GPC6: variants seen among roughly 807,000 people sequenced by gnomAD.
GPC6 encodes the protein glypican 6, also known as glypican-6.
GPC6 carries 14 observed loss-of-function variants against 55.2 expected under a neutral mutation model. The ratio of observed to expected loss-of-function variants is 0.25; its 90% CI spans 0.17 to 0.40. The LOEUF (loss-of-function observed/expected upper bound fraction) is 0.40. Among genes scored for constraint, GPC6 ranks in the 10% least tolerant of loss-of-function variants. The probability of loss-of-function intolerance (pLI) is 1.00; values close to 1 mark genes in which losing one functional copy is unlikely to be tolerated. For synonymous variants in GPC6, 278 were observed against 259.6 expected (o/e 1.07, Z -0.68); for missense variants, 641 against 708.5 (o/e 0.90, Z 1.08).
chr13:93,460,340 C>A (rs1354945804), intron 1 of GPC6, among the ~76,000 whole-genome samples: 9 of 152,114 alleles, frequency 5.9e-5, no homozygotes, highest in Admixed American at 5.9e-4. Context: ...GTTTTTGTAG[C>A]TGACAGTTTG....
chr13:93,934,465 A>G (rs1267107153), intron 3 of GPC6, among the ~76,000 whole-genome samples: 1 of 152,124 alleles, frequency 6.6e-6, no homozygotes, highest in Non-Finnish European at 1.5e-5. Context: ...AAATCCCCTT[A>G]AGTAAAACTG....
At chr13:93,537,571 G>A (rs1056278480) in intron 1 of GPC6, among the ~76,000 whole-genome samples, 16 of 151,938 alleles carry the variant, frequency 1.1e-4, no homozygotes, top group Admixed American at 3.9e-4. Context: ...GTATTTTTAC[G>A]TATTAGAAAT....
chr13:93,367,521 A>G (rs1811525587), intron 1 of GPC6, among the ~76,000 whole-genome samples: 1 of 151,878 alleles, frequency 6.6e-6, no homozygotes, highest in Non-Finnish European at 1.5e-5. Flanking sequence ...AGGTTTTTGA[A>G]GTGGGTGCTT....
chr13:93,295,101 T>C (rs1878439316), intron 1 of GPC6, among the ~76,000 whole-genome samples: 1 of 132,708 alleles, frequency 7.5e-6, no homozygotes. Flanking sequence ...GAGGAAACTC[T>C]GTCTCTGCAA....
chr13:94,013,965 C>A (rs528358308), intron 3 of GPC6, among the ~76,000 whole-genome samples: 98 of 152,130 alleles, frequency 6.4e-4, no homozygotes, highest in African/African-American at 2.3e-3. Flanking sequence ...TGGGGAGGTT[C>A]CTAGTTAATA....
chr13:93,552,905 A>G (rs80006991), intron 2 of GPC6, among the ~76,000 whole-genome samples: 1,531 of 152,338 alleles, frequency 0.01, 24 homozygotes, highest in Non-Finnish European at 9.8e-3. Context: ...AGTTAAATTG[A>G]TCTGCTACTA....
intron 2 of GPC6, among the ~76,000 whole-genome samples, chr13:93,699,761 T>C (rs1391365827): frequency 1.3e-5 from 2 of 152,116 alleles, no homozygotes; most frequent in Non-Finnish European, 2.9e-5. Flanking sequence ...ATATACACTA[T>C]AGATTTCAAT....
chr13:93,881,491 C>A (rs1255788773), intron 3 of GPC6, among the ~76,000 whole-genome samples: 1 of 151,970 alleles, frequency 6.6e-6, no homozygotes, highest in Non-Finnish European at 1.5e-5. Flanking sequence ...GGCCTAAAAA[C>A]GTTAGGCTTG....
chr13:94,226,364 C>T (rs892640232), intron 4 of GPC6, among the ~76,000 whole-genome samples: 4 of 152,004 alleles, frequency 2.6e-5, no homozygotes, highest in African/African-American at 9.7e-5. Context: ...CTCTGCTGCA[C>T]ATTAGGATGG....
At chr13:94,110,893 C>T (rs1003048172) in intron 4 of GPC6, among the ~76,000 whole-genome samples, 2 of 152,114 alleles carry the variant, frequency 1.3e-5, no homozygotes, top group South Asian at 4.1e-4. Flanking sequence ...CATGGAATTA[C>T]TGGCTCATAA....
intron 4 of GPC6, among the ~76,000 whole-genome samples, chr13:94,152,800 T>C (rs835972): frequency 0.86 from 130,345 of 152,112 alleles, 56,101 homozygotes; most frequent in East Asian, 0.98. Context: ...CCATAAATAA[T>C]TTACTATTTT....
At chr13:94,387,515 G>T (rs1880460174) in intron 7 of GPC6, among the ~76,000 whole-genome samples, 2 of 152,160 alleles carry the variant, frequency 1.3e-5, no homozygotes, top group African/African-American at 4.8e-5. Flanking sequence ...TCAAACTTTA[G>T]GGTGCAGGCT....
chr13:94,275,939 G>A (rs943721981), intron 4 of GPC6, among the ~76,000 whole-genome samples: 2 of 152,130 alleles, frequency 1.3e-5, no homozygotes, highest in African/African-American at 2.4e-5. Flanking sequence ...ACATATCAAC[G>A]TTTGAGACTT....
chr13:93,986,542 G>T (rs1311477834), intron 3 of GPC6, among the ~76,000 whole-genome samples: 1 of 152,088 alleles, frequency 6.6e-6, no homozygotes, highest in Non-Finnish European at 1.5e-5. Context: ...ATGTATTTCA[G>T]AATAGGACCA....
chr13:93,352,298 A>T (rs1304937832), intron 1 of GPC6, among the ~76,000 whole-genome samples: 1 of 152,186 alleles, frequency 6.6e-6, no homozygotes, highest in Non-Finnish European at 1.5e-5. Context: ...ATAAAATTTT[A>T]TTTACAAAAA....
chr13:93,813,240 A>AC (rs1394415352), intron 2 of GPC6, among the ~76,000 whole-genome samples: 2 of 152,068 alleles, frequency 1.3e-5, no homozygotes, highest in African/African-American at 4.8e-5. Context: ...ACTTGGTGAA[A>AC]CCCCCGTCTC....
chr13:93,239,243 A>G (rs1876347741), intron 1 of GPC6, among the ~76,000 whole-genome samples: 3 of 152,004 alleles, frequency 2.0e-5, no homozygotes, highest in Admixed American at 2.0e-4. Context: ...TTTTTAAATT[A>G]CTGATTTGAT....
chr13:94,353,700 A>G (rs968085959), intron 6 of GPC6, among the ~76,000 whole-genome samples: 6 of 152,238 alleles, frequency 3.9e-5, no homozygotes, highest in Admixed American at 3.9e-4. Flanking sequence ...AAAATTCTGG[A>G]AAGCTTCAAT....
chr13:94,198,134 A>T (rs1889638019), intron 4 of GPC6, among the ~76,000 whole-genome samples: 1 of 152,186 alleles, frequency 6.6e-6, no homozygotes, highest in South Asian at 2.1e-4. Context: ...GCTGTTAAGT[A>T]CTTTTTTTTC....
Sources: allele counts gnomAD v4.1 joint callset (sites outside exome capture counted in the v4.1 genomes callset), GRCh38; gene constraint gnomAD v4.1.1; transcripts MANE v1.5; gene names NCBI Gene and HGNC (gene_info 2026-07-23, HGNC 2026-07-21).